Variants in EXOC4 observed in about 807,000 individuals in gnomAD.
The protein encoded by EXOC4 is exocyst complex component 4, also known as SEC8-like 1.
A neutral mutation model predicts 107.2 loss-of-function variants in EXOC4; 71 were observed. That is an observed-to-expected ratio of 0.66 (90% CI 0.55 to 0.81). The LOEUF (loss-of-function observed/expected upper bound fraction) is 0.81. EXOC4 is among the 30% of genes least tolerant of loss of function. The pLI, the probability that EXOC4 is intolerant of heterozygous loss-of-function variation, is 0.00. For synonymous variants in EXOC4, 456 were observed against 441.2 expected (o/e 1.03, Z -0.42); for missense variants, 1,108 against 1,189.6 (o/e 0.93, Z 1.01).
intron 9 of EXOC4, among the ~76,000 whole-genome samples, chr7:133,486,779 G>C (rs1289807973): frequency 6.6e-6 from 1 of 151,744 alleles, no homozygotes; most frequent in Non-Finnish European, 1.5e-5. Flanking sequence ...TTTTTTAAAA[G>C]AATGACCTTA....
chr7:133,339,487 G>A (rs545724191), intron 5 of EXOC4, among the ~76,000 whole-genome samples: 6 of 152,190 alleles, frequency 3.9e-5, no homozygotes, highest in South Asian at 2.1e-4. Context: ...CTTTGGCTAC[G>A]TGGGTTCCAT....
intron 7 of EXOC4, among the ~76,000 whole-genome samples, chr7:133,465,360 A>G (rs1798702281): frequency 6.6e-6 from 1 of 152,224 alleles, no homozygotes; most frequent in Non-Finnish European, 1.5e-5. Context: ...AAGTAGAAAT[A>G]ACAAACTATC....
chr7:133,705,023 T>C (rs1794739547), intron 10 of EXOC4, among the ~76,000 whole-genome samples: 1 of 152,218 alleles, frequency 6.6e-6, no homozygotes, highest in Admixed American at 6.5e-5. Flanking sequence ...TAAGAACTTT[T>C]ACCTTTTCAC....
At chr7:133,276,502 G>A (rs758379122) in intron 2 of EXOC4, among the ~76,000 whole-genome samples, 5 of 152,122 alleles carry the variant, frequency 3.3e-5, no homozygotes, top group Non-Finnish European at 7.4e-5. Flanking sequence ...TAAAGCCGTT[G>A]TTGCTGATTT....
chr7:133,343,595 C>G (rs1018872112), intron 5 of EXOC4, among the ~76,000 whole-genome samples: 3 of 150,872 alleles, frequency 2.0e-5, no homozygotes, highest in Non-Finnish European at 3.0e-5. Context: ...CTTTTAGTTC[C>G]GTTTTTTTTT....
intron 10 of EXOC4, among the ~76,000 whole-genome samples, chr7:133,772,466 A>G (rs981335264): frequency 3.9e-5 from 6 of 152,016 alleles, no homozygotes; most frequent in Non-Finnish European, 8.8e-5. Context: ...CCAGCACGGC[A>G]CATGTATACA....
intron 14 of EXOC4, among the ~76,000 whole-genome samples, chr7:133,987,268 G>C (rs1051953216): frequency 3.9e-5 from 6 of 152,046 alleles, no homozygotes; most frequent in Non-Finnish European, 8.8e-5. Context: ...TGAGACCAGC[G>C]TAGGCAACAT....
At position 133,356,522 on chromosome 7, in the gene EXOC4, C is replaced by T. The variant is rs200156091; in HGVS notation, c.956C>T (p.Ala319Val). The change falls in exon 6 of 18, where the codon GCA (alanine) becomes GTA (valine). Residue 319 changes from alanine to valine, a missense_variant. Coordinates refer to ENST00000253861, the MANE Select transcript of EXOC4 (RefSeq NM_021807.4). ...GTGAAGAGGTCTACAACCCAGGTGG[C>T]AGACAGTGGCTATCAGCGGGGGGAG... ...QIVKRSTTQVADSGYQRGENV... is the reference protein window; with the variant it reads ...QIVKRSTTQVVDSGYQRGENV... 6.2e-7 allele frequency: 1 copy of T among 1,614,026 alleles called. No individual in the cohort carries two copies. The highest frequency in any genetic ancestry group is 2.2e-5 in the East Asian group (1 of 44,874).
At chr7:133,401,168 A>C (rs1013326402) in intron 7 of EXOC4, among the ~76,000 whole-genome samples, 1 of 144,184 alleles carries the variant, frequency 6.9e-6, no homozygotes, top group African/African-American at 2.5e-5. Context: ...ATAATTCCAG[A>C]GCCCACTTTT....
At chr7:133,442,828 G>A (rs959199165) in intron 7 of EXOC4, among the ~76,000 whole-genome samples, 30 of 152,296 alleles carry the variant, frequency 2.0e-4, no homozygotes, top group South Asian at 1.7e-3. Flanking sequence ...TTGTGTGACT[G>A]AAAGAATGGT....
intron 9 of EXOC4, among the ~76,000 whole-genome samples, chr7:133,612,552 T>C (rs1374840008): frequency 2.0e-5 from 3 of 152,148 alleles, no homozygotes; most frequent in Non-Finnish European, 4.4e-5. Flanking sequence ...AAATGAGATG[T>C]GAAGCCTTTG....
chr7:133,441,903 G>A (rs1480728247), intron 7 of EXOC4, among the ~76,000 whole-genome samples: 6 of 152,152 alleles, frequency 3.9e-5, no homozygotes, highest in Admixed American at 3.9e-4. Flanking sequence ...ATCCCTGCTG[G>A]TGCTTATTCC....
chr7:133,462,717 A>G (rs1798623493), intron 7 of EXOC4, among the ~76,000 whole-genome samples: 1 of 152,332 alleles, frequency 6.6e-6, no homozygotes, highest in South Asian at 2.1e-4. Context: ...TACAGCTAAC[A>G]TTCCCCATAC....
At chr7:133,883,937 G>T (rs1799022363) in intron 11 of EXOC4, among the ~76,000 whole-genome samples, 1 of 152,144 alleles carries the variant, frequency 6.6e-6, no homozygotes, top group Non-Finnish European at 1.5e-5. Context: ...TTTCCTTTTG[G>T]CTTCTATCAT....
intron 9 of EXOC4, among the ~76,000 whole-genome samples, chr7:133,485,010 G>A (rs566108611): frequency 6.7e-6 from 1 of 149,324 alleles, no homozygotes; most frequent in Non-Finnish European, 1.5e-5. Flanking sequence ...AACCTGGAAG[G>A]TGGAGGTTGC....
chr7:134,060,934 G>A (rs1796043090), intron 17 of EXOC4, among the ~76,000 whole-genome samples: 1 of 152,068 alleles, frequency 6.6e-6, no homozygotes, highest in African/African-American at 2.4e-5. Flanking sequence ...GCAATTCAGG[G>A]GCACTGTTCA....
intron 5 of EXOC4, among the ~76,000 whole-genome samples, chr7:133,351,141 G>T (rs1795899873): frequency 6.6e-6 from 1 of 151,894 alleles, no homozygotes. Context: ...TTTTACATCT[G>T]TGTTCATAAG....
chr7:133,664,190 A>G (rs1239352506), intron 10 of EXOC4, among the ~76,000 whole-genome samples: 1 of 151,972 alleles, frequency 6.6e-6, no homozygotes, highest in African/African-American at 2.4e-5. Flanking sequence ...AGCATGCCCT[A>G]CTTTTTAATT....
At chr7:133,838,344 A>G (rs1311106227) in intron 11 of EXOC4, among the ~76,000 whole-genome samples, 3 of 152,176 alleles carry the variant, frequency 2.0e-5, no homozygotes, top group African/African-American at 7.2e-5. Flanking sequence ...CTAGGGGTAT[A>G]AATTGATGCT....
Sources: allele counts gnomAD v4.1 joint callset (sites outside exome capture counted in the v4.1 genomes callset), GRCh38; gene constraint gnomAD v4.1.1; transcripts MANE v1.5; gene names NCBI Gene and HGNC (gene_info 2026-07-23, HGNC 2026-07-21).